Variants in ZNF536 observed in about 807,000 individuals in gnomAD.
ZNF536 encodes zinc finger protein 536.
In ZNF536, 13 loss-of-function variants were observed where a neutral mutation model predicts 84.5. The observed-to-expected ratio is 0.15, with a 90% CI of 0.10 to 0.24. ZNF536 has a LOEUF of 0.24. Ranked by LOEUF, ZNF536 falls within the 10% of genes least tolerant of loss-of-function variation. The probability of loss-of-function intolerance (pLI) is 1.00; values close to 1 mark genes in which losing one functional copy is unlikely to be tolerated. For missense variants in ZNF536, 1,536 were observed against 1,747.5 expected (o/e 0.88, Z 2.16); for synonymous variants, 811 against 742.5 (o/e 1.09, Z -1.50).
chr19:30,387,912 T>C (rs1273468743), intron 1 of ZNF536, among the ~76,000 whole-genome samples: 1 of 152,136 alleles, frequency 6.6e-6, no homozygotes, highest in African/African-American at 2.4e-5. Flanking sequence ...GGTTGGTCAG[T>C]GGGCTTTGGG....
At chr19:30,291,036 G>T (rs937104161) in intron 2 of ZNF536, among the ~76,000 whole-genome samples, 1 of 152,164 alleles carries the variant, frequency 6.6e-6, no homozygotes, top group African/African-American at 2.4e-5. Context: ...TTTTATGGCT[G>T]CATAGTATTC....
chr19:30,292,344 C>CT lies in ZNF536; in HGVS notation c.-120+8214dup, dbSNP rs1364875449. ...TGTTTTTTTTTTTTCTCTTTTTCTT[C>CT]TTTTTTTTTTTGAGACAGGGTTTCA... On this transcript the variant is annotated intron_variant, in intron 2 of 5. Transcript: ENST00000585628. 3.5e-3 allele frequency among the ~76,000 whole-genome samples: 479 copies of CT among 137,704 alleles called. 12 individuals carry two copies. The highest frequency in any genetic ancestry group is 2.6e-3 in the African/African-American group (97 of 37,798). 90.3% of individuals were successfully genotyped at this position (137,704 alleles called of 152,430 possible).
rs575632299 is a variant in ZNF536 at position 30,360,207 on chromosome 19, G to T, written c.-3+7723G>T. Among the ~76,000 whole-genome samples the T allele has an allele frequency of 1.3e-3, 200 of 152,350 alleles. 2 individuals carry two copies. The highest frequency in any genetic ancestry group is 4.5e-3 in the African/African-American group (188 of 41,588). ...GGCGTAGTGAAAGTGCTTGGGAAGG[G>T]GTCGGCTCGGCTCTGGGCCTCACCT... On this transcript the variant is annotated intron_variant, in intron 3 of 5. Transcript: ENST00000585628.
intron 1 of ZNF536, among the ~76,000 whole-genome samples, chr19:30,656,152 A>G (rs1158889332): frequency 6.6e-6 from 1 of 152,168 alleles, no homozygotes; most frequent in Admixed American, 6.5e-5. Flanking sequence ...AGAGTCCTGG[A>G]GACCTTCTCC....
At position 30,417,148 on chromosome 19, in the gene ZNF536, A is replaced by ATTTTTTTTTTTTTTTTTT. The variant is rs71173904; in HGVS notation, c.-2-26402_-2-26385dup. On this transcript the variant is annotated intron_variant, in intron 1 of 4. Coordinates refer to ENST00000355537, the MANE Select transcript of ZNF536 (RefSeq NM_014717.3). ...GCCACCACGCCAGGCTAATTTTTGTATTTTTTTTTTTTTTTTTTTTTTTTT... is the reference window on the plus strand; with the variant it reads ...GCCACCACGCCAGGCTAATTTTTGTATTTTTTTTTTTTTTTTTTTTTTTTTTTTTTTTTTTTTTTTTTT... 1.7e-4 allele frequency among the ~76,000 whole-genome samples: 17 copies of ATTTTTTTTTTTTTTTTTT among 100,238 alleles called. 1 individual carries two copies. Among genetic ancestry groups the ATTTTTTTTTTTTTTTTTT allele is most frequent in the African/African-American group, 7.0e-4 (17 of 24,390 alleles). 65.8% of individuals were successfully genotyped at this position (100,238 alleles called of 152,430 possible).
intron 2 of ZNF536, among the ~76,000 whole-genome samples, chr19:30,491,016 G>A (rs549652078): frequency 1.3e-5 from 2 of 152,046 alleles, no homozygotes; most frequent in Non-Finnish European, 1.5e-5. Flanking sequence ...GGGGAAGGTG[G>A]GGTGAATGTG....
intron 2 of ZNF536, among the ~76,000 whole-genome samples, chr19:30,518,997 G>A (rs1025262075): frequency 3.9e-5 from 6 of 152,226 alleles, no homozygotes; most frequent in Admixed American, 6.5e-5. Context: ...CAGAGCATCC[G>A]TGTGGCGGGA....
intron 1 of ZNF536, among the ~76,000 whole-genome samples, chr19:30,632,938 G>A (rs1197781047): frequency 2.0e-5 from 3 of 152,240 alleles, no homozygotes; most frequent in African/African-American, 7.2e-5. Context: ...AAAGGGTGGA[G>A]AGAGGAGGAA....
chr19:30,400,090 G>A (rs565599161), intron 1 of ZNF536, among the ~76,000 whole-genome samples: 123 of 151,944 alleles, frequency 8.1e-4, no homozygotes, highest in Non-Finnish European at 1.5e-3. Context: ...AGCACCTCAT[G>A]GCATAGATGT....
intron 1 of ZNF536, among the ~76,000 whole-genome samples, chr19:30,377,374 C>T (rs186609147): frequency 2.6e-5 from 4 of 152,188 alleles, no homozygotes; most frequent in Admixed American, 6.5e-5. Flanking sequence ...CTTCTGTGGT[C>T]GCCAGAATGA....
chr19:30,225,691 G>GT (rs1050429611), upstream of ZNF536, among the ~76,000 whole-genome samples: 1 of 148,686 alleles, frequency 6.7e-6, no homozygotes, highest in African/African-American at 2.5e-5. Flanking sequence ...CAAAGGTGGG[G>GT]GGGGGATCGC....
exon 2 of ZNF536, chr19:30,712,275 CTAGT>C (rs976268566): frequency 2.6e-5 from 4 of 152,012 alleles, no homozygotes; most frequent in Admixed American, 6.6e-5. Context: ...TTTAAGAAGA[CTAGT>C]TAAAGGTTTA....
intron 1 of ZNF536, among the ~76,000 whole-genome samples, chr19:30,663,650 A>C (rs1467239460): frequency 6.6e-6 from 1 of 152,186 alleles, no homozygotes; most frequent in African/African-American, 2.4e-5. Context: ...TGAAATGTCA[A>C]AGAGTGCAGA....
chr19:30,586,906 A>G (rs963875078), intron 1 of ZNF536, among the ~76,000 whole-genome samples: 6 of 152,358 alleles, frequency 3.9e-5, no homozygotes, highest in African/African-American at 1.4e-4. Flanking sequence ...AATCATGAGG[A>G]AGAGATTCAA....
chr19:30,458,550 T>C (rs1427018001), intron 2 of ZNF536, among the ~76,000 whole-genome samples: 2 of 147,128 alleles, frequency 1.4e-5, no homozygotes, highest in South Asian at 2.2e-4. Context: ...CCTCCCAGGT[T>C]CAAGAGATTT....
upstream of ZNF536, among the ~76,000 whole-genome samples, chr19:30,371,574 T>A (rs2048614173): frequency 6.7e-6 from 1 of 150,362 alleles, no homozygotes; most frequent in South Asian, 2.1e-4. Context: ...TTTTTTTTGT[T>A]TTTTTTTTCT....
chr19:30,572,065 G>C (rs565266719), intron 1 of ZNF536, among the ~76,000 whole-genome samples: 14 of 152,296 alleles, frequency 9.2e-5, no homozygotes, highest in African/African-American at 2.9e-4. Context: ...CTGGCCACTT[G>C]GAAACATGGG....
chr19:30,326,581 G>A (rs545042246), intron 2 of ZNF536, among the ~76,000 whole-genome samples: 11 of 152,110 alleles, frequency 7.2e-5, no homozygotes, highest in Admixed American at 2.0e-4. Flanking sequence ...GACTGCCCCC[G>A]ACGCATAGGT....
intron 2 of ZNF536, among the ~76,000 whole-genome samples, chr19:30,464,655 A>C (rs1022930846): frequency 6.6e-6 from 1 of 151,936 alleles, no homozygotes; most frequent in African/African-American, 2.4e-5. Flanking sequence ...TTTTTTGGTT[A>C]GTGGTTGATG....
Sources: gnomAD v4.1 joint callset for allele counts (sites outside exome capture counted in the v4.1 genomes callset) on GRCh38, gnomAD v4.1.1 for gene constraint, MANE v1.5 for transcripts, NCBI Gene and HGNC (gene_info 2026-07-23, HGNC 2026-07-21) for gene names.